OPCML: variants seen among roughly 807,000 people sequenced by gnomAD.
OPCML encodes the protein opioid binding protein/cell adhesion molecule like, also known as opioid-binding protein/cell adhesion molecule.
In OPCML, 13 loss-of-function variants were observed where a neutral mutation model predicts 37.8. That is an observed-to-expected ratio of 0.34 (90% CI 0.22 to 0.55). OPCML has a LOEUF of 0.55. Ranked by LOEUF, OPCML falls within the 20% of genes least tolerant of loss-of-function variation. OPCML has a pLI of 0.91. For synonymous variants in OPCML, 176 were observed against 168.8 expected, an observed-to-expected ratio of 1.04 and a Z score of -0.33; for missense variants, 341 against 435.6, an observed-to-expected ratio of 0.78 and a Z score of 1.93.
At chr11:132,445,986 G>T (rs1030132930) in intron 4 of OPCML, among the ~76,000 whole-genome samples, 2 of 151,848 alleles carry the variant, frequency 1.3e-5, no homozygotes, top group Non-Finnish European at 2.9e-5. Flanking sequence ...GGTGGTGATA[G>T]CCAGGTCAGT....
intron 1 of OPCML, among the ~76,000 whole-genome samples, chr11:133,106,576 G>A (rs1949161662): frequency 6.6e-6 from 1 of 152,196 alleles, no homozygotes; most frequent in South Asian, 2.1e-4. Context: ...TTATAGCAAT[G>A]TGCTACATCC....
intron 2 of OPCML, among the ~76,000 whole-genome samples, chr11:132,814,610 G>T (rs117459199): frequency 6.6e-6 from 1 of 152,162 alleles, no homozygotes; most frequent in South Asian, 2.1e-4. Flanking sequence ...TAATGAGTCC[G>T]CAGTCCACCA....
intron 3 of OPCML, among the ~76,000 whole-genome samples, chr11:132,569,780 C>A (rs1591564522): frequency 6.6e-6 from 1 of 152,164 alleles, no homozygotes; most frequent in East Asian, 1.9e-4. Context: ...TTAGCAGCAG[C>A]AATAGACTCC....
intron 2 of OPCML, among the ~76,000 whole-genome samples, chr11:132,787,904 C>T (rs1947274558): frequency 6.6e-6 from 1 of 152,178 alleles, no homozygotes; most frequent in South Asian, 2.1e-4. Context: ...GTTTTTGAGA[C>T]AGAGTCTCGC....
chr11:133,424,221 G>A (rs1945954375), intron 1 of OPCML, among the ~76,000 whole-genome samples: 1 of 152,114 alleles, frequency 6.6e-6, no homozygotes, highest in Non-Finnish European at 1.5e-5. Flanking sequence ...AGGGCCCTTT[G>A]CTTGGGCTCT....
chr11:132,533,840 G>A (rs1329591890), intron 3 of OPCML, among the ~76,000 whole-genome samples: 4 of 152,106 alleles, frequency 2.6e-5, no homozygotes, highest in Non-Finnish European at 5.9e-5. Context: ...TATTTGTGAT[G>A]CCTGAATTGC....
intron 1 of OPCML, among the ~76,000 whole-genome samples, chr11:133,395,360 C>G (rs974895513): frequency 3.3e-5 from 5 of 151,916 alleles, no homozygotes; most frequent in Non-Finnish European, 2.9e-5. Context: ...TTTGCTGTTG[C>G]TGTTGTTGTT....
intron 2 of OPCML, among the ~76,000 whole-genome samples, chr11:132,918,258 G>C (rs530400575): frequency 6.6e-6 from 1 of 152,242 alleles, no homozygotes; most frequent in East Asian, 1.9e-4. Context: ...TGCATATAAA[G>C]GGCACTGATC....
At chr11:133,228,568 G>T (rs1435258429) in intron 1 of OPCML, among the ~76,000 whole-genome samples, 2 of 152,224 alleles carry the variant, frequency 1.3e-5, no homozygotes, top group Non-Finnish European at 2.9e-5. Context: ...AAAGCGTGTG[G>T]CCCCTCCCAG....
chr11:133,083,336 A>G (rs1948769734), intron 1 of OPCML, among the ~76,000 whole-genome samples: 1 of 151,766 alleles, frequency 6.6e-6, no homozygotes, highest in South Asian at 2.1e-4. Flanking sequence ...AGGCCCCGCG[A>G]CCGCATGCGT....
chr11:132,854,801 A>T (rs1476010807), intron 2 of OPCML, among the ~76,000 whole-genome samples: 1 of 152,214 alleles, frequency 6.6e-6, no homozygotes, highest in Non-Finnish European at 1.5e-5. Flanking sequence ...GAACAATTGC[A>T]TGTAAGTCTT....
rs1023122175 is a variant in OPCML at position 133,177,734 on chromosome 11, T to G, written c.62-234724A>C. On this transcript the variant is annotated intron_variant, in intron 1 of 7. Transcript: ENST00000524381. This position sits in a 1 kb window ranked among gnomAD's most constrained non-coding sequence, Gnocchi z 5.0. ...ACTAAGGTCCACAGATTTTTCTAGC[T>G]GCTCGAGCAAATGTGGAATCTCATG... Among the ~76,000 whole-genome samples, 1 of 152,208 alleles carries G rather than the reference T, an allele frequency of 6.6e-6. No homozygotes were observed. The highest frequency in any genetic ancestry group is 1.5e-5 in the Non-Finnish European group (1 of 68,038).
At chr11:132,690,922 T>C (rs1243002557) in intron 2 of OPCML, among the ~76,000 whole-genome samples, 3 of 152,186 alleles carry the variant, frequency 2.0e-5, no homozygotes, top group Non-Finnish European at 2.9e-5. Flanking sequence ...AAAAGTGCAA[T>C]TGTATAAAGA....
chr11:133,076,765 T>C (rs1433656470), intron 1 of OPCML, among the ~76,000 whole-genome samples: 1 of 152,088 alleles, frequency 6.6e-6, no homozygotes, highest in Non-Finnish European at 1.5e-5. Context: ...TAAGTGACTC[T>C]CCAGCTGGTC....
chr11:132,718,938 G>A (rs1944584345), intron 2 of OPCML, among the ~76,000 whole-genome samples: 2 of 152,254 alleles, frequency 1.3e-5, no homozygotes, highest in African/African-American at 4.8e-5. Context: ...GGTCTGGAAA[G>A]GAAGTGAGAG....
At chr11:132,886,105 T>C (rs1943404044) in intron 2 of OPCML, among the ~76,000 whole-genome samples, 2 of 152,250 alleles carry the variant, frequency 1.3e-5, no homozygotes, top group Non-Finnish European at 2.9e-5. Flanking sequence ...AAGTATTCCA[T>C]TGTATGGATT....
intron 1 of OPCML, among the ~76,000 whole-genome samples, chr11:133,233,696 A>G (rs1221713078): frequency 6.6e-6 from 1 of 152,158 alleles, no homozygotes; most frequent in Admixed American, 6.5e-5. Context: ...AAGTCTAGCC[A>G]CTTCATTAGG....
chr11:132,529,090 G>A lies in OPCML; in HGVS notation c.476C>T (p.Thr159Ile), dbSNP rs993943902. 1 of 1,613,242 alleles carries A rather than the reference G, an allele frequency of 6.2e-7. No homozygotes were observed. The highest frequency in any genetic ancestry group is 2.2e-5 in the East Asian group (1 of 44,830). ...LCLAIGRPEP[T>I]VTWRHLSVKE... is the part of the protein sequence containing the mutation. ...GACTGACAGGTGTCTCCATGTCACAGTTGGCTCTGGTCTGCCAATAGCAAG... is the reference window on the plus strand; with the variant it reads ...GACTGACAGGTGTCTCCATGTCACAATTGGCTCTGGTCTGCCAATAGCAAG... Residue 159 changes from threonine (T) to isoleucine (I), a missense_variant, in exon 4 of 8, where the codon ACT becomes ATT. Thr to Ile is a moderately conservative substitution (Grantham distance 89). Coordinates refer to ENST00000524381, the MANE Select transcript of OPCML (RefSeq NM_001012393.5).
chr11:132,684,654 C>T (rs1278451578), intron 2 of OPCML, among the ~76,000 whole-genome samples: 1 of 152,118 alleles, frequency 6.6e-6, no homozygotes, highest in Admixed American at 6.5e-5. Flanking sequence ...ACAAATATTT[C>T]TAGAGTGCCC....
Sources: allele counts gnomAD v4.1 joint callset (sites outside exome capture counted in the v4.1 genomes callset), GRCh38; gene constraint gnomAD v4.1.1; non-coding constraint Gnocchi (gnomAD v3.1); transcripts MANE v1.5; gene names NCBI Gene and HGNC (gene_info 2026-07-23, HGNC 2026-07-21).